The following COL4A1 variants were observed in gnomAD, a reference collection of about 807,000 sequenced individuals.
COL4A1 encodes the protein collagen alpha-1(IV) chain.
Under a neutral mutation model 216.6 loss-of-function variants are expected in COL4A1, and 40 were observed. That is an observed-to-expected ratio of 0.18 (90% CI 0.14 to 0.24). The LOEUF (loss-of-function observed/expected upper bound fraction) is 0.24, where lower values mean the gene tolerates loss of function less well. COL4A1 is among the 10% of genes least tolerant of loss of function. The probability of loss-of-function intolerance (pLI) is 1.00; values close to 1 mark genes in which losing one functional copy is unlikely to be tolerated. For synonymous variants in COL4A1, 839 were observed against 810.7 expected, an observed-to-expected ratio of 1.03 and a Z score of -0.59; for missense variants, 1,628 against 2,196.8, an observed-to-expected ratio of 0.74 and a Z score of 5.18.
At chr13:110,163,316 T>G (rs1877171454) in intron 47 of COL4A1, 147 bp downstream of exon 47, 2 of 739,152 alleles carry the variant, frequency 2.7e-6, no homozygotes, top group Middle Eastern at 2.3e-4. Flanking sequence ...TCTATTTGAT[T>G]CTATTTCTTC....
chr13:110,297,334 C>G (rs893829503), intron 1 of COL4A1, among the ~76,000 whole-genome samples: 1 of 152,138 alleles, frequency 6.6e-6, no homozygotes, highest in Non-Finnish European at 1.5e-5. Context: ...GACCAAAGAT[C>G]TACTTCACAG....
chr13:110,154,068 T>C (rs1876640097), intron 50 of COL4A1, among the ~76,000 whole-genome samples: 1 of 152,222 alleles, frequency 6.6e-6, no homozygotes, highest in Admixed American at 6.5e-5. Flanking sequence ...AGAAAATAGC[T>C]ATGAAGCCTG....
At chr13:110,176,315 C>G in intron 36 of COL4A1, 109 bp downstream of exon 36, 2 of 785,154 alleles carry the variant, frequency 2.5e-6, no homozygotes, top group Non-Finnish European at 4.6e-6. Flanking sequence ...GAAAGACACA[C>G]GTGCCTGGAT....
intron 29 of COL4A1, among the ~76,000 whole-genome samples, chr13:110,180,039 T>A (rs1878073132): frequency 6.6e-6 from 1 of 152,030 alleles, no homozygotes; most frequent in African/African-American, 2.4e-5. Flanking sequence ...ATCACAGGGC[T>A]CCACCGGTGT....
At chr13:110,171,289 T>G (rs557235115) in intron 41 of COL4A1, among the ~76,000 whole-genome samples, 35 of 152,140 alleles carry the variant, frequency 2.3e-4, no homozygotes, top group Non-Finnish European at 1.0e-4. Flanking sequence ...AGAAGGCAGA[T>G]GGACGGTTGC....
In COL4A1 at chr13:110,203,738, A is replaced by G. The variant is rs648263; in HGVS notation, c.958-131T>C. 597,589 of 945,988 alleles carry G rather than the reference A, an allele frequency of 0.63. 192,141 individuals are homozygous for G. The highest frequency in any genetic ancestry group is 0.77 in the East Asian group (31,377 of 40,524). 58.6% of individuals were successfully genotyped at this position (945,988 alleles called of 1,614,324 possible). ...AATTAAAACTATTTTTCTCTCTTTA[A>G]TATCTCTCATTCTGTGACGATTACA... On this transcript the variant is annotated intron_variant, in intron 17 of 51. Transcript: ENST00000375820.
chr13:110,301,789 T>C (rs1594129413), intron 1 of COL4A1, among the ~76,000 whole-genome samples: 2 of 152,182 alleles, frequency 1.3e-5, no homozygotes, highest in South Asian at 4.2e-4. Context: ...TCCTTACAGT[T>C]ACCAAAGCCG....
intron 1 of COL4A1, among the ~76,000 whole-genome samples, chr13:110,285,903 T>G (rs1369996029): frequency 6.6e-6 from 1 of 152,170 alleles, no homozygotes; most frequent in Non-Finnish European, 1.5e-5. Flanking sequence ...TATTGGTACC[T>G]TTTCTCTGGG....
intron 36 of COL4A1, among the ~76,000 whole-genome samples, chr13:110,175,986 A>G (rs1166788584): frequency 6.6e-6 from 1 of 152,174 alleles, no homozygotes; most frequent in Admixed American, 6.5e-5. Context: ...TGCTCTCACT[A>G]CAATAGACAC....
intron 2 of COL4A1, among the ~76,000 whole-genome samples, chr13:110,224,170 C>T (rs1023272152): frequency 2.0e-5 from 3 of 152,106 alleles, no homozygotes; most frequent in Non-Finnish European, 2.9e-5. Context: ...CCAGCACAAC[C>T]GTCTTTTTTT....
intron 2 of COL4A1, 65 bp downstream of exon 2, chr13:110,242,610 T>C (rs1326844541): frequency 6.5e-7 from 1 of 1,528,864 alleles, no homozygotes; most frequent in Non-Finnish European, 9.1e-7. Flanking sequence ...ATTCGGTTAC[T>C]GTTAATGTAG....
At chr13:110,260,869 C>G (rs1882788380) in intron 1 of COL4A1, among the ~76,000 whole-genome samples, 1 of 151,654 alleles carries the variant, frequency 6.6e-6, no homozygotes, top group South Asian at 2.1e-4. Context: ...AACCTCGTCT[C>G]TACTAAAAAT....
intron 1 of COL4A1, among the ~76,000 whole-genome samples, chr13:110,283,843 C>A (rs996914185): frequency 6.6e-5 from 10 of 152,166 alleles, no homozygotes; most frequent in African/African-American, 2.4e-4. Flanking sequence ...TTTCATGACC[C>A]TGAAGACTTT....
At chr13:110,201,346 G>C in intron 19 of COL4A1, 92 bp downstream of exon 19, 2 of 691,894 alleles carry the variant, frequency 2.9e-6, no homozygotes, top group East Asian at 3.8e-5. Flanking sequence ...GGAGGAACAG[G>C]AGGAGGAGGA....
At chr13:110,285,298 G>A (rs548491182) in intron 1 of COL4A1, among the ~76,000 whole-genome samples, 113 of 152,280 alleles carry the variant, frequency 7.4e-4, no homozygotes, top group African/African-American at 2.3e-3. Context: ...CGTGTGCTGC[G>A]GAATCCCACG....
chr13:110,250,729 T>C (rs779825340), intron 1 of COL4A1, among the ~76,000 whole-genome samples: 2 of 152,154 alleles, frequency 1.3e-5, no homozygotes, highest in Non-Finnish European at 2.9e-5. Context: ...GTGGAAACAC[T>C]GTTGGGAGGC....
chr13:110,179,363 G>C lies in COL4A1; in HGVS notation c.2252C>G (p.Pro751Arg). 3 of 1,614,146 alleles carry C rather than the reference G, an allele frequency of 1.9e-6. No homozygotes were observed. ...GCTCCCCTTCTCCCCGGGTGTGCCA[G>C]GAATGCCGGGAAGACCTGGCAAACC... is the stretch of plus-strand genomic sequence containing the variant. ...LKGLPGLPGIPGTPGEKGSIG... is the reference protein window; with the variant it reads ...LKGLPGLPGIRGTPGEKGSIG... The change falls in exon 30 of 52, where the codon CCT (proline) becomes CGT (arginine). Residue 751 changes from proline to arginine, a missense_variant. Pro to Arg is a moderately radical substitution (Grantham distance 103). Transcript: ENST00000375820.
In COL4A1 at chr13:110,211,582, A is replaced by T; in HGVS notation, c.468+65T>A. 6.7e-7 allele frequency: 1 copy of T among 1,497,504 alleles called. No homozygotes were observed. Among genetic ancestry groups the T allele is most frequent in the Non-Finnish European group, 9.2e-7 (1 of 1,090,460 alleles). The allele number at this position is 1,497,504 out of a possible 1,614,324, so 92.8% of individuals were successfully genotyped here. On this transcript the variant is annotated intron_variant, in intron 8 of 51. Transcript: ENST00000375820. This position sits in a 1 kb window ranked among gnomAD's most constrained non-coding sequence, Gnocchi z 4.3. ...AGTGGTTTAAAGAGAATGTGCTTCT[A>T]TGGCACTTGTTGTAAACAGATTCCC...
chr13:110,177,244 A>G (rs191037637), intron 33 of COL4A1, among the ~76,000 whole-genome samples: 52 of 152,336 alleles, frequency 3.4e-4, no homozygotes, highest in Non-Finnish European at 6.6e-4. Flanking sequence ...ATTTTCTACA[A>G]TTCATTATTC....
Sources: gnomAD v4.1 joint callset for allele counts (sites outside exome capture counted in the v4.1 genomes callset) on GRCh38, gnomAD v4.1.1 for gene constraint, Gnocchi (gnomAD v3.1) non-coding constraint, MANE v1.5 for transcripts, NCBI Gene and HGNC (gene_info 2026-07-23, HGNC 2026-07-21) for gene names.